The following FSTL4 variants were observed in gnomAD, a reference collection of about 807,000 sequenced individuals.
The protein encoded by FSTL4 is follistatin-related protein 4.
Under a neutral mutation model 78.2 loss-of-function variants are expected in FSTL4, and 28 were observed. The ratio of observed to expected loss-of-function variants is 0.36; its 90% confidence interval spans 0.27 to 0.49. The LOEUF is 0.49. Among genes scored for constraint, FSTL4 ranks in the 20% least tolerant of loss-of-function variants. The pLI is 0.98. For missense variants in FSTL4, 922 were observed against 1,084.9 expected (o/e 0.85, Z 2.11); for synonymous variants, 422 against 440.5 (o/e 0.96, Z 0.53).
the FSTL4 span, among the ~76,000 whole-genome samples, chr5:133,679,804 C>G: frequency 6.6e-6 from 1 of 152,064 alleles, no homozygotes; most frequent in Non-Finnish European, 1.5e-5. Context: ...CTATCCCAGG[C>G]CTACCCAGAT....
At chr5:133,610,385 G>C (rs1761065510) in intron 1 of FSTL4, among the ~76,000 whole-genome samples, 1 of 152,220 alleles carries the variant, frequency 6.6e-6, no homozygotes, top group South Asian at 2.1e-4. Flanking sequence ...TTACATCAAA[G>C]TGGACTATTT....
chr5:133,522,261 T>C (rs1344024408), intron 3 of FSTL4, among the ~76,000 whole-genome samples: 1 of 152,162 alleles, frequency 6.6e-6, no homozygotes, highest in East Asian at 1.9e-4. Flanking sequence ...TCAAAATGAT[T>C]GCTTCTTTGC....
At chr5:133,395,401 C>A (rs547184945) in intron 4 of FSTL4, among the ~76,000 whole-genome samples, 1 of 152,262 alleles carries the variant, frequency 6.6e-6, no homozygotes, top group East Asian at 1.9e-4. Flanking sequence ...AGCGAGACCA[C>A]GAACCCACCA....
At chr5:133,796,083 C>A in the FSTL4 span, among the ~76,000 whole-genome samples, 1 of 152,214 alleles carries the variant, frequency 6.6e-6, no homozygotes, top group South Asian at 2.1e-4. Context: ...CCCATGTGCT[C>A]CTTATACAGC....
At chr5:133,227,612 T>C (rs1303674656) in intron 8 of FSTL4, among the ~76,000 whole-genome samples, 1 of 152,108 alleles carries the variant, frequency 6.6e-6, no homozygotes, top group Non-Finnish European at 1.5e-5. Context: ...GGCCAGGACC[T>C]GGGGTTAATA....
chr5:133,824,657 T>C, the FSTL4 span, among the ~76,000 whole-genome samples: 7 of 152,222 alleles, frequency 4.6e-5, no homozygotes, highest in African/African-American at 1.7e-4. Flanking sequence ...TGCCTTTCTC[T>C]GGCACACTGG....
chr5:133,221,917 T>TGTTTG (rs1381516175), intron 11 of FSTL4, among the ~76,000 whole-genome samples: 1 of 124,968 alleles, frequency 8.0e-6, no homozygotes, highest in Non-Finnish European at 1.6e-5. Flanking sequence ...TTTTTTTTTT[T>TGTTTG]TTTTTTTTTT....
intron 1 of FSTL4, among the ~76,000 whole-genome samples, chr5:133,604,771 C>A (rs1322508502): frequency 1.3e-5 from 2 of 152,168 alleles, no homozygotes; most frequent in African/African-American, 4.8e-5. Flanking sequence ...GCAGCCGACA[C>A]CTCAGTTTAT....
At chr5:133,721,125 T>C in the FSTL4 span, among the ~76,000 whole-genome samples, 9 of 152,264 alleles carry the variant, frequency 5.9e-5, no homozygotes, top group Admixed American at 2.0e-4. Flanking sequence ...CTCACATATT[T>C]ATTGTGTGTG....
At position 133,272,341 on chromosome 5, in the gene FSTL4, G is replaced by A. The variant is rs546131360; in HGVS notation, c.728-22765C>T. ...TCACTGCATTCTTAACGCATTGTTT[G>A]TCTGTGGAAAAAGCAGTTTGCCCAG... On this transcript the variant is annotated intron_variant, in intron 6 of 15. Transcript: ENST00000265342. 6.0e-4 allele frequency among the ~76,000 whole-genome samples: 91 copies of A among 152,354 alleles called. 1 individual carries two copies. Among genetic ancestry groups the A allele is most frequent in the African/African-American group, 1.8e-3 (76 of 41,584 alleles).
At chr5:133,625,563 C>G in the FSTL4 span, among the ~76,000 whole-genome samples, 2 of 149,778 alleles carry the variant, frequency 1.3e-5, no homozygotes, top group African/African-American at 4.9e-5. Flanking sequence ...TTAAAAATAA[C>G]TCTTTGTTTC....
intron 7 of FSTL4, among the ~76,000 whole-genome samples, chr5:133,237,466 GT>G (rs1470105329): frequency 1.3e-5 from 2 of 150,908 alleles, no homozygotes; most frequent in East Asian, 1.9e-4. Flanking sequence ...GTGCTGAGGG[GT>G]GTGTGTGTCA....
chr5:133,729,330 G>T, the FSTL4 span, among the ~76,000 whole-genome samples: 4 of 152,002 alleles, frequency 2.6e-5, no homozygotes, highest in Admixed American at 2.6e-4. Flanking sequence ...TTGAATCCTG[G>T]CTTGACCAAT....
the FSTL4 span, among the ~76,000 whole-genome samples, chr5:133,634,061 C>T: frequency 2.0e-5 from 3 of 152,014 alleles, no homozygotes; most frequent in Admixed American, 6.6e-5. Flanking sequence ...TGGTAAAGGT[C>T]CTGACTCTCC....
the FSTL4 span, among the ~76,000 whole-genome samples, chr5:133,764,842 T>G: frequency 6.6e-6 from 1 of 151,988 alleles, no homozygotes; most frequent in Admixed American, 6.5e-5. Flanking sequence ...TTCTTACAGG[T>G]GAGCCTCTTA....
chr5:133,324,028 T>C (rs1754143670), intron 4 of FSTL4, among the ~76,000 whole-genome samples: 1 of 152,200 alleles, frequency 6.6e-6, no homozygotes, highest in Non-Finnish European at 1.5e-5. Context: ...CCACATTTAA[T>C]TTTTGAGCAA....
At chr5:133,230,545 G>A (rs1751462030) in intron 8 of FSTL4, among the ~76,000 whole-genome samples, 1 of 152,220 alleles carries the variant, frequency 6.6e-6, no homozygotes, top group Non-Finnish European at 1.5e-5. Context: ...TGTGCTTAGA[G>A]TGAGATGCAC....
chr5:133,441,468 T>A (rs11242155), intron 3 of FSTL4, among the ~76,000 whole-genome samples: 45,679 of 150,264 alleles, frequency 0.3, 7,380 homozygotes, highest in East Asian at 0.47. Flanking sequence ...AAACGTTTAG[T>A]GCAGATAGGC....
chr5:133,676,248 A>G, the FSTL4 span, among the ~76,000 whole-genome samples: 2 of 148,984 alleles, frequency 1.3e-5, no homozygotes, highest in East Asian at 4.0e-4. Context: ...ATGGAAAAAT[A>G]AACGAGGTCT....
Sources: gnomAD v4.1 joint callset for allele counts (sites outside exome capture counted in the v4.1 genomes callset) on GRCh38, gnomAD v4.1.1 for gene constraint, MANE v1.5 for transcripts, NCBI Gene and HGNC (gene_info 2026-07-23, HGNC 2026-07-21) for gene names.